The following ST8SIA6 variants were observed in gnomAD, a reference collection of about 807,000 sequenced individuals.
ST8SIA6 encodes alpha-2,8-sialyltransferase 8F.
A neutral mutation model predicts 33.6 loss-of-function variants in ST8SIA6; 39 were observed. The observed-to-expected ratio is 1.16, with a 90% CI of 0.90 to 1.52. The LOEUF is 1.52. Ranked by LOEUF, ST8SIA6 falls within the 40% of genes most tolerant of loss-of-function variation. The probability of loss-of-function intolerance (pLI) is 0.00; values close to 1 mark genes in which losing one functional copy is unlikely to be tolerated. For missense variants in ST8SIA6, 441 were observed against 443.8 expected (o/e 0.99, Z 0.06); for synonymous variants, 172 against 167.2 (o/e 1.03, Z -0.22).
intron 3 of ST8SIA6, among the ~76,000 whole-genome samples, chr10:17,379,955 G>C (rs551821042): frequency 6.6e-5 from 10 of 152,206 alleles, no homozygotes; most frequent in Non-Finnish European, 1.2e-4. Flanking sequence ...TTGGTGCCTA[G>C]TACCAGCATG....
chr10:17,383,910 A>C (rs1850247732), intron 3 of ST8SIA6, among the ~76,000 whole-genome samples: 1 of 152,226 alleles, frequency 6.6e-6, no homozygotes, highest in South Asian at 2.1e-4. Flanking sequence ...TACTCCCATG[A>C]ACAAAATTTG....
chr10:17,322,810 A>G (rs1848000432), intron 7 of ST8SIA6, among the ~76,000 whole-genome samples: 1 of 152,218 alleles, frequency 6.6e-6, no homozygotes, highest in South Asian at 2.1e-4. Context: ...ATTATTGTTA[A>G]AAGAGATAAA....
rs186993565 is a variant in ST8SIA6, at chr10:17,391,415, C to A, written c.201-795G>T. ...TGGTGGGACTACAGGCGCCTGCCAC[C>A]ATGCCCGGCTAATTTTTTGTATTTT... On this transcript the variant is annotated intron_variant, in intron 2 of 7. Transcript: ENST00000377602. Among the ~76,000 whole-genome samples the A allele has an allele frequency of 7.7e-3, 1,177 of 152,128 alleles. 5 individuals are homozygous for A. The highest frequency in any genetic ancestry group is 0.027 in the African/African-American group (1,119 of 41,492).
At chr10:17,333,680 T>TAG (rs1564404717) in intron 4 of ST8SIA6, among the ~76,000 whole-genome samples, 1 of 19,450 alleles carries the variant, frequency 5.1e-5, no homozygotes, top group African/African-American at 2.3e-4. Flanking sequence ...GGGATATATA[T>TAG]ATATATATAT....
chr10:17,422,748 T>C (rs1403276209), intron 2 of ST8SIA6, among the ~76,000 whole-genome samples: 1 of 152,212 alleles, frequency 6.6e-6, no homozygotes, highest in African/African-American at 2.4e-5. Context: ...GTCTTTACAG[T>C]CAATGGTACT....
At chr10:17,326,786 C>A (rs1848143763) in intron 6 of ST8SIA6, among the ~76,000 whole-genome samples, 1 of 152,184 alleles carries the variant, frequency 6.6e-6, no homozygotes, top group Non-Finnish European at 1.5e-5. Flanking sequence ...CAATTTCACC[C>A]AGAGTTTCCT....
At chr10:17,447,020 G>A (rs1852732011) in intron 2 of ST8SIA6, among the ~76,000 whole-genome samples, 1 of 135,310 alleles carries the variant, frequency 7.4e-6, no homozygotes, top group African/African-American at 2.8e-5. Context: ...TACCGACTCT[G>A]TCTCAAAAAA....
intron 2 of ST8SIA6, among the ~76,000 whole-genome samples, chr10:17,393,630 T>C (rs536979719): frequency 6.6e-6 from 1 of 152,264 alleles, no homozygotes; most frequent in South Asian, 2.1e-4. Context: ...ACTGGAGACT[T>C]CAGCACACCT....
intron 2 of ST8SIA6, among the ~76,000 whole-genome samples, chr10:17,451,909 G>T (rs12252381): frequency 0.015 from 2,235 of 152,226 alleles, 47 homozygotes; most frequent in African/African-American, 0.051. Flanking sequence ...AGAATTATGA[G>T]TTACCTATAT....
At chr10:17,368,419 A>AAAAAAAAAAAAAAAC in intron 3 of ST8SIA6, among the ~76,000 whole-genome samples, 1 of 149,840 alleles carries the variant, frequency 6.7e-6, no homozygotes, top group Non-Finnish European at 1.5e-5. Flanking sequence ...AAAAAAAAAA[A>AAAAAAAAAAAAAAAC]AAAAAAAAAA....
At chr10:17,419,036 C>G (rs1851696814) in intron 2 of ST8SIA6, among the ~76,000 whole-genome samples, 1 of 149,756 alleles carries the variant, frequency 6.7e-6, no homozygotes, top group African/African-American at 2.5e-5. Context: ...GTCATGCTCA[C>G]CAATCTATGG....
At chr10:17,363,212 G>A (rs972037758) in intron 3 of ST8SIA6, among the ~76,000 whole-genome samples, 3 of 152,050 alleles carry the variant, frequency 2.0e-5, no homozygotes, top group African/African-American at 7.2e-5. Flanking sequence ...TCTCACGTTA[G>A]AGCTCAATAG....
At chr10:17,355,823 C>T (rs960004332) in intron 4 of ST8SIA6, among the ~76,000 whole-genome samples, 3 of 152,142 alleles carry the variant, frequency 2.0e-5, no homozygotes. Flanking sequence ...TGAAATTATC[C>T]TCTTTATCTT....
At position 17,315,787 on chromosome 10, in the gene ST8SIA6, G is replaced by A. The variant is rs1470911248; in HGVS notation, c.*5091C>T. Among the ~76,000 whole-genome samples, 3 of 151,966 alleles carry A rather than the reference G, an allele frequency of 2.0e-5. No individual in the cohort carries two copies. The highest frequency in any genetic ancestry group is 4.4e-5 in the Non-Finnish European group (3 of 67,886). ...AGGGAGGGATTACAAAGTAGCACAA[G>A]AAAACATTTTGGGGTAATGAATATA... On this transcript the variant is annotated 3_prime_UTR_variant, in exon 8 of 8. Coordinates refer to ENST00000377602, the MANE Select transcript of ST8SIA6 (RefSeq NM_001004470.3).
At chr10:17,351,503 A>T (rs1042410204) in intron 4 of ST8SIA6, among the ~76,000 whole-genome samples, 2 of 146,430 alleles carry the variant, frequency 1.4e-5, no homozygotes, top group Admixed American at 7.1e-5. Flanking sequence ...TGAAACCCAA[A>T]CTCCTAGGGC....
intron 2 of ST8SIA6, among the ~76,000 whole-genome samples, chr10:17,400,649 C>T (rs1255443103): frequency 6.6e-6 from 1 of 152,146 alleles, no homozygotes; most frequent in African/African-American, 2.4e-5. Context: ...AAACGTAATC[C>T]AGCATATAAG....
At chr10:17,360,171 C>T (rs1431015310) in intron 3 of ST8SIA6, among the ~76,000 whole-genome samples, 1 of 152,052 alleles carries the variant, frequency 6.6e-6, no homozygotes, top group African/African-American at 2.4e-5. Flanking sequence ...GTAGATCTCT[C>T]CCTGTCTGAA....
intron 4 of ST8SIA6, among the ~76,000 whole-genome samples, chr10:17,355,026 A>C (rs1236174397): frequency 1.3e-5 from 2 of 152,212 alleles, no homozygotes; most frequent in African/African-American, 4.8e-5. Context: ...AAGCTTAGGA[A>C]TCTATAAAAA....
At chr10:17,333,672 GATAT>G (rs1165578414) in intron 4 of ST8SIA6, among the ~76,000 whole-genome samples, 1,544 of 35,156 alleles carry the variant, frequency 0.044, 165 homozygotes, top group African/African-American at 0.072. Context: ...ATGGTGCTGG[GATAT>G]ATATATATAT....
Sources: allele counts gnomAD v4.1 joint callset (sites outside exome capture counted in the v4.1 genomes callset), GRCh38; gene constraint gnomAD v4.1.1; transcripts MANE v1.5; gene names NCBI Gene and HGNC (gene_info 2026-07-23, HGNC 2026-07-21).